Variants in ZRANB3 observed in about 807,000 individuals in gnomAD.
The protein encoded by ZRANB3 is zinc finger RANBP2-type containing 3.
Under a neutral mutation model 133.8 loss-of-function variants are expected in ZRANB3, and 125 were observed. The observed-to-expected ratio is 0.93, with a 90% CI of 0.81 to 1.08. The LOEUF is 1.08. Among genes scored for constraint, ZRANB3 ranks in the 50% least tolerant of loss-of-function variants. The pLI is 0.00. For missense variants in ZRANB3, 1,229 were observed against 1,275.5 expected (o/e 0.96, Z 0.56); for synonymous variants, 387 against 432.7 (o/e 0.89, Z 1.31).
chr2:135,335,461 G>A (rs941656870), intron 6 of ZRANB3, among the ~76,000 whole-genome samples: 16 of 152,082 alleles, frequency 1.1e-4, no homozygotes, highest in Non-Finnish European at 1.9e-4. Context: ...GGGAAGCTGA[G>A]GTGGGCAGAT....
chr2:135,495,296 T>C (rs934612733), intron 2 of ZRANB3, among the ~76,000 whole-genome samples: 3 of 152,124 alleles, frequency 2.0e-5, no homozygotes, highest in South Asian at 2.1e-4. Context: ...CTGTGCTGTG[T>C]CTATATAAGA....
At chr2:135,355,652 C>T (rs577210191) in intron 3 of ZRANB3, among the ~76,000 whole-genome samples, 15 of 152,100 alleles carry the variant, frequency 9.9e-5, no homozygotes, top group African/African-American at 2.7e-4. Context: ...CCACCGCGCC[C>T]GGCCAACAAT....
chr2:135,251,174 G>A (rs1172292099), intron 12 of ZRANB3, among the ~76,000 whole-genome samples: 3 of 152,224 alleles, frequency 2.0e-5, no homozygotes, highest in Admixed American at 1.3e-4. Context: ...CTCGATTTCA[G>A]ACTTGCATGG....
chr2:135,229,119 T>C (rs1270808214), intron 13 of ZRANB3, among the ~76,000 whole-genome samples: 1 of 152,168 alleles, frequency 6.6e-6, no homozygotes, highest in African/African-American at 2.4e-5. Flanking sequence ...GTGACAGAGA[T>C]ATTACATGGA....
chr2:135,312,744 G>A (rs1558908509), intron 8 of ZRANB3, among the ~76,000 whole-genome samples: 2 of 152,014 alleles, frequency 1.3e-5, no homozygotes, highest in South Asian at 2.1e-4. Context: ...GTTCGGGCAC[G>A]GTGGCTTACA....
chr2:135,431,426 T>A (rs532707515), intron 2 of ZRANB3, among the ~76,000 whole-genome samples: 1 of 151,812 alleles, frequency 6.6e-6, no homozygotes, highest in South Asian at 2.1e-4. Context: ...ATCTTTGTGA[T>A]CTTGAGTTAG....
chr2:135,340,500 A>G (rs7563702), intron 6 of ZRANB3, among the ~76,000 whole-genome samples: 9,416 of 152,088 alleles, frequency 0.062, 571 homozygotes, highest in African/African-American at 0.16. Context: ...TTCTGGATCT[A>G]CAAGAAAAAT....
intron 2 of ZRANB3, among the ~76,000 whole-genome samples, chr2:135,476,283 G>T (rs910140956): frequency 3.3e-5 from 5 of 152,138 alleles, no homozygotes; most frequent in African/African-American, 1.2e-4. Context: ...TTTGATAGCT[G>T]TGATAAATAA....
chr2:135,320,905 G>C (rs934143808), intron 6 of ZRANB3, among the ~76,000 whole-genome samples: 1 of 152,158 alleles, frequency 6.6e-6, no homozygotes, highest in Non-Finnish European at 1.5e-5. Context: ...GCAGTAAGTA[G>C]CCTTTTAAAT....
rs923858245 is a variant in ZRANB3 at position 135,446,068 on chromosome 2, T to C, written c.162-55248A>G. ...AAAAATACAAAAACTTAGCTGGGCA[T>C]AGTGGTGAGTGCCTGTAATCCCAGC... On this transcript the variant is annotated intron_variant, in intron 2 of 20. Transcript: ENST00000264159. Among the ~76,000 whole-genome samples, 7 of 150,082 alleles carry C rather than the reference T, an allele frequency of 4.7e-5. No homozygotes were observed. The East Asian group carries it at 9.9e-4, about 21-fold the overall frequency.
intron 3 of ZRANB3, among the ~76,000 whole-genome samples, chr2:135,384,356 A>T (rs899357253): frequency 6.6e-6 from 1 of 152,108 alleles, no homozygotes; most frequent in African/African-American, 2.4e-5. Flanking sequence ...TAATTAATAG[A>T]TTAACAACCA....
rs75520907 is a variant in ZRANB3 at position 135,504,327 on chromosome 2, A to G, written c.161+2T>C. 20 of 1,611,986 alleles carry G rather than the reference A, an allele frequency of 1.2e-5. No individual in the cohort carries two copies. The highest frequency in any genetic ancestry group is 1.7e-5 in the Non-Finnish European group (20 of 1,178,708). On this transcript the variant is annotated splice_donor_variant, in intron 2 of 20. Transcript: ENST00000264159. LOFTEE classifies it high-confidence loss of function. ...TTTTAGCATGTCTTCAAAGAACTTTACCTGCCATTTCTTTTGAGGGCAAAA... is the reference window on the plus strand; with the variant it reads ...TTTTAGCATGTCTTCAAAGAACTTTGCCTGCCATTTCTTTTGAGGGCAAAA...
chr2:135,375,251 T>G (rs1353747743), intron 3 of ZRANB3, among the ~76,000 whole-genome samples: 1 of 151,704 alleles, frequency 6.6e-6, no homozygotes, highest in African/African-American at 2.4e-5. Context: ...TTGAGAAAAA[T>G]ATGAGACACA....
chr2:135,320,176 G>A (rs1197339747), intron 6 of ZRANB3, among the ~76,000 whole-genome samples: 1 of 152,132 alleles, frequency 6.6e-6, no homozygotes, highest in African/African-American at 2.4e-5. Flanking sequence ...GAGTAGCTGG[G>A]ACTACAGGCA....
chr2:135,315,277 G>A (rs1323324256), intron 7 of ZRANB3, 82 bp downstream of exon 7: 2 of 1,236,154 alleles, frequency 1.6e-6, no homozygotes, highest in Non-Finnish European at 2.1e-6. Context: ...TTCCTTCTGT[G>A]AAATATGAAA....
intron 2 of ZRANB3, among the ~76,000 whole-genome samples, chr2:135,441,743 G>A (rs1689789128): frequency 6.6e-6 from 1 of 151,990 alleles, no homozygotes; most frequent in Non-Finnish European, 1.5e-5. Context: ...CAAGTAGACT[G>A]AGATATGTTA....
At chr2:135,497,605 G>A (rs112561925) in intron 2 of ZRANB3, among the ~76,000 whole-genome samples, 17 of 152,186 alleles carry the variant, frequency 1.1e-4, no homozygotes, top group South Asian at 2.1e-4. Flanking sequence ...CCATCACAGC[G>A]GAAAGTTCCA....
chr2:135,220,109 G>A (rs1213008038), intron 15 of ZRANB3, among the ~76,000 whole-genome samples: 1 of 151,912 alleles, frequency 6.6e-6, no homozygotes, highest in Non-Finnish European at 1.5e-5. Context: ...CTGGGCTCAA[G>A]TGATCCTACC....
chr2:135,200,533 C>G, intron 20 of ZRANB3, 93 bp from the exon 21 acceptor site: 2 of 986,404 alleles, frequency 2.0e-6, no homozygotes, highest in South Asian at 3.0e-5. Flanking sequence ...TTTGGAAAAT[C>G]TACAGTCACT....
Sources: allele counts gnomAD v4.1 joint callset (sites outside exome capture counted in the v4.1 genomes callset), GRCh38; gene constraint gnomAD v4.1.1; transcripts MANE v1.5; gene names NCBI Gene and HGNC (gene_info 2026-07-23, HGNC 2026-07-21).